Variants in NPFFR2 observed in about 807,000 individuals in gnomAD.
NPFFR2 encodes the protein neuropeptide FF receptor 2.
Under a neutral mutation model 13.1 loss-of-function variants are expected in NPFFR2, and 15 were observed. The observed-to-expected ratio is 1.15, with a 90% CI of 0.77 to 1.76. The LOEUF is 1.76. Ranked by LOEUF, NPFFR2 falls within the 40% of genes most tolerant of loss-of-function variation. NPFFR2 has a pLI of 0.00. For synonymous variants in NPFFR2, 190 were observed against 175.7 expected, an observed-to-expected ratio of 1.08 and a Z score of -0.65; for missense variants, 572 against 503.5, an observed-to-expected ratio of 1.14 and a Z score of -1.30.
intron 1 of NPFFR2, among the ~76,000 whole-genome samples, chr4:72,072,008 TAA>T (rs1720271237): frequency 2.0e-5 from 3 of 152,176 alleles, no homozygotes; most frequent in South Asian, 2.1e-4. Context: ...GAGAATACAT[TAA>T]GTTTGCCCCT....
At chr4:72,135,938 G>T (rs893759595) in intron 2 of NPFFR2, among the ~76,000 whole-genome samples, 1 of 151,618 alleles carries the variant, frequency 6.6e-6, no homozygotes, top group African/African-American at 2.4e-5. Flanking sequence ...AGGGCATTTG[G>T]GATATCCATC....
intron 1 of NPFFR2, among the ~76,000 whole-genome samples, chr4:72,075,564 C>G (rs547614073): frequency 6.6e-6 from 1 of 152,172 alleles, no homozygotes; most frequent in Non-Finnish European, 1.5e-5. Flanking sequence ...TGGACTTGAA[C>G]CCATAATAAA....
At chr4:72,062,654 C>CT (rs77765263) in intron 1 of NPFFR2, among the ~76,000 whole-genome samples, 1 of 152,024 alleles carries the variant, frequency 6.6e-6, no homozygotes, top group African/African-American at 2.4e-5. Flanking sequence ...GCACATGTGA[C>CT]TTTTTTTTCC....
Position 72,128,841 on chromosome 4 carries a change from A to G in NPFFR2, c.250A>G (p.Ile84Val), listed in dbSNP as rs1180389859. The G allele has an allele frequency of 6.2e-7, 1 of 1,614,070 alleles. No homozygotes were observed. The highest frequency in any genetic ancestry group is 1.7e-5 in the Admixed American group (1 of 60,034). Reference sequence around the variant, plus strand: ...TATGCACACAGTCACTAATCTCTTCATCTTAAACCTGGCCATAAGTGATTT... The same window carrying G: ...TATGCACACAGTCACTAATCTCTTCGTCTTAAACCTGGCCATAAGTGATTT... ...KHMHTVTNLFILNLAISDLLV... is the reference protein window; with the variant it reads ...KHMHTVTNLFVLNLAISDLLV... The change falls in exon 2 of 4, where the codon ATC (isoleucine) becomes GTC (valine). Residue 84 changes from isoleucine (I) to valine (V), a missense_variant. By Grantham distance (29) the Ile-to-Val change is conservative. Coordinates refer to ENST00000308744, the MANE Select transcript of NPFFR2 (RefSeq NM_004885.3).
At chr4:72,040,239 T>C (rs1040488902) in intron 1 of NPFFR2, among the ~76,000 whole-genome samples, 3 of 152,170 alleles carry the variant, frequency 2.0e-5, no homozygotes, top group African/African-American at 7.2e-5. Context: ...TATTGCTGCA[T>C]TAGACATGTA....
At chr4:72,125,308 A>G (rs1722007742) in intron 1 of NPFFR2, among the ~76,000 whole-genome samples, 2 of 152,216 alleles carry the variant, frequency 1.3e-5, no homozygotes. Context: ...GAGAAAAGGG[A>G]ATGCTTTTAC....
chr4:72,053,897 CTG>C (rs1209812611), intron 1 of NPFFR2, among the ~76,000 whole-genome samples: 1 of 151,860 alleles, frequency 6.6e-6, no homozygotes, highest in Admixed American at 6.6e-5. Flanking sequence ...ACTATAGTAA[CTG>C]TATGTTTTGT....
At chr4:72,097,891 C>T (rs1721115961) in intron 1 of NPFFR2, among the ~76,000 whole-genome samples, 1 of 152,170 alleles carries the variant, frequency 6.6e-6, no homozygotes, top group Admixed American at 6.6e-5. Flanking sequence ...AGATTAGGCT[C>T]AAATAACTTA....
Position 72,032,104 on chromosome 4 carries a change from C to T in NPFFR2, c.-104C>T, listed in dbSNP as rs755245394. On this transcript the variant is annotated 5_prime_UTR_variant, in exon 1 of 4. Transcript: ENST00000308744. ...CGGCTGGGATTGAGCCGGCAGACTGCGAAAAGTAGCTGGAGCCGGAGCAGG... is the reference window on the plus strand; with the variant it reads ...CGGCTGGGATTGAGCCGGCAGACTGTGAAAAGTAGCTGGAGCCGGAGCAGG... 1 of 1,614,058 alleles carries T rather than the reference C, an allele frequency of 6.2e-7. No individual in the cohort carries two copies. Among genetic ancestry groups the T allele is most frequent in the Non-Finnish European group, 8.5e-7 (1 of 1,179,970 alleles).
chr4:72,071,713 C>T (rs1252280945), intron 1 of NPFFR2, among the ~76,000 whole-genome samples: 1 of 152,126 alleles, frequency 6.6e-6, no homozygotes, highest in Non-Finnish European at 1.5e-5. Flanking sequence ...AGGACCCTTT[C>T]CTTTATATAC....
chr4:72,141,177 C>G (rs1046632780), intron 3 of NPFFR2, among the ~76,000 whole-genome samples: 1 of 151,864 alleles, frequency 6.6e-6, no homozygotes, highest in African/African-American at 2.4e-5. Context: ...TGCTAGTAGT[C>G]TATCAATTTT....
chr4:72,111,179 C>A (rs1721556396), intron 1 of NPFFR2, among the ~76,000 whole-genome samples: 1 of 151,932 alleles, frequency 6.6e-6, no homozygotes, highest in Admixed American at 6.6e-5. Flanking sequence ...AGAGGAGAAG[C>A]TTTTATAATA....
chr4:72,090,856 T>C (rs924318116), intron 1 of NPFFR2, among the ~76,000 whole-genome samples: 3 of 152,138 alleles, frequency 2.0e-5, no homozygotes, highest in Non-Finnish European at 4.4e-5. Flanking sequence ...TCCAGTACTA[T>C]GTGAAATAGA....
At chr4:72,033,724 T>C (rs551066193) in intron 1 of NPFFR2, among the ~76,000 whole-genome samples, 32 of 152,362 alleles carry the variant, frequency 2.1e-4, no homozygotes, top group African/African-American at 7.5e-4. Context: ...TATTAGAAAT[T>C]CATTGTTTTA....
At chr4:72,035,456 A>G (rs889480259) in intron 1 of NPFFR2, among the ~76,000 whole-genome samples, 2 of 152,118 alleles carry the variant, frequency 1.3e-5, no homozygotes, top group African/African-American at 4.8e-5. Context: ...CAGAGCCTCA[A>G]GCATAGTATG....
chr4:72,110,819 C>A (rs1166189110), intron 1 of NPFFR2, among the ~76,000 whole-genome samples: 1 of 151,902 alleles, frequency 6.6e-6, no homozygotes, highest in East Asian at 1.9e-4. Context: ...CCTAATAGAC[C>A]TTCCTGCATC....
intron 1 of NPFFR2, among the ~76,000 whole-genome samples, chr4:72,094,086 A>G (rs1469660552): frequency 6.6e-6 from 1 of 151,922 alleles, no homozygotes; most frequent in Middle Eastern, 3.4e-3. Flanking sequence ...GCCAAACTGC[A>G]GTGATTGTTA....
At chr4:72,100,735 A>T (rs1364072364) in intron 1 of NPFFR2, among the ~76,000 whole-genome samples, 1 of 152,086 alleles carries the variant, frequency 6.6e-6, no homozygotes, top group Non-Finnish European at 1.5e-5. Flanking sequence ...TGAATTTGAC[A>T]AGTATAACAA....
At position 72,128,769 on chromosome 4, in the gene NPFFR2, A is replaced by G. The variant is rs143711179; in HGVS notation, c.178A>G (p.Met60Val). Residue 60 changes from methionine (M) to valine (V), a missense_variant, in exon 2 of 4, where the codon ATG (methionine) becomes GTG (valine). Coordinates refer to ENST00000308744, the MANE Select transcript of NPFFR2 (RefSeq NM_004885.3). ...ISYFLIFFLC[M>V]MGNTVVCFIV... ...CTACTTTCTGATCTTCTTTTTGTGCATGATGGGAAATACTGTGGTTTGCTT... is the reference window on the plus strand; with the variant it reads ...CTACTTTCTGATCTTCTTTTTGTGCGTGATGGGAAATACTGTGGTTTGCTT... 8 of 1,614,084 alleles carry G rather than the reference A, an allele frequency of 5.0e-6. No individual in the cohort carries two copies. The highest frequency in any genetic ancestry group is 2.2e-5 in the East Asian group (1 of 44,888).
Sources: allele counts gnomAD v4.1 joint callset (sites outside exome capture counted in the v4.1 genomes callset), GRCh38; gene constraint gnomAD v4.1.1; transcripts MANE v1.5; gene names NCBI Gene and HGNC (gene_info 2026-07-23, HGNC 2026-07-21).